Variants in TANGO6 observed in about 807,000 individuals in gnomAD.
TANGO6 encodes the protein transport and golgi organization 6 homolog, also known as transport and Golgi organization protein 6 homolog.
TANGO6 carries 90 observed loss-of-function variants against 114.2 expected under a neutral mutation model. The observed-to-expected ratio is 0.79, with a 90% CI of 0.66 to 0.94. The LOEUF (loss-of-function observed/expected upper bound fraction) is 0.94. TANGO6 is among the 40% of genes least tolerant of loss of function. The pLI is 0.00. For synonymous variants in TANGO6, 477 were observed against 509.8 expected, an observed-to-expected ratio of 0.94 and a Z score of 0.87; for missense variants, 1,274 against 1,315.3, an observed-to-expected ratio of 0.97 and a Z score of 0.49.
At chr16:68,967,433 C>G (rs1232827294) in intron 14 of TANGO6, among the ~76,000 whole-genome samples, 1 of 152,176 alleles carries the variant, frequency 6.6e-6, no homozygotes, top group Admixed American at 6.5e-5. Flanking sequence ...GGTCCCGTTC[C>G]TAACAGGCCA....
chr16:69,049,762 GA>G (rs1427531852), intron 17 of TANGO6, among the ~76,000 whole-genome samples: 1 of 149,916 alleles, frequency 6.7e-6, no homozygotes, highest in Non-Finnish European at 1.5e-5. Flanking sequence ...TTTTTATAAA[GA>G]TGGGGTCTCA....
At position 68,920,515 on chromosome 16, in the gene TANGO6, A is replaced by T. The variant is rs190705927; in HGVS notation, c.2127+1296A>T. On this transcript the variant is annotated intron_variant, in intron 12 of 17. Coordinates refer to ENST00000261778, the MANE Select transcript of TANGO6 (RefSeq NM_024562.2). ...TGTGTGACTGGCTGATTACATACCG[A>T]GTTAGGTGAGGAGTCTGCAGGAAAG... Among the ~76,000 whole-genome samples, 148 of 152,242 alleles carry T rather than the reference A, an allele frequency of 9.7e-4. 1 individual carries two copies. Among genetic ancestry groups the T allele is most frequent in the Non-Finnish European group, 1.8e-3 (125 of 68,022 alleles).
intron 17 of TANGO6, among the ~76,000 whole-genome samples, chr16:69,077,437 G>A (rs747009660): frequency 1.3e-5 from 2 of 152,080 alleles, no homozygotes; most frequent in Non-Finnish European, 2.9e-5. Context: ...AGCCAGGAGT[G>A]GCACGCATGA....
At chr16:69,026,212 G>A (rs184576336) in intron 16 of TANGO6, 17,704 of 150,388 alleles carry the variant, frequency 0.12, 1,088 homozygotes, top group African/African-American at 0.14. Context: ...ATGTTGGCCA[G>A]GCTGGTCTAA....
chr16:68,882,822 T>C (rs929631905), intron 7 of TANGO6, among the ~76,000 whole-genome samples: 3 of 151,922 alleles, frequency 2.0e-5, no homozygotes, highest in Non-Finnish European at 4.4e-5. Flanking sequence ...ATCAAGACCA[T>C]CCTGACTAAC....
chr16:69,012,580 GA>G (rs745623750), intron 15 of TANGO6, among the ~76,000 whole-genome samples: 9,322 of 107,916 alleles, frequency 0.086, 298 homozygotes, highest in African/African-American at 0.15. Context: ...AAAAAAAAAG[GA>G]AAAAAAAAAA....
chr16:69,030,167 G>A (rs1168703547), intron 16 of TANGO6, among the ~76,000 whole-genome samples: 1 of 150,450 alleles, frequency 6.6e-6, no homozygotes, highest in African/African-American at 2.4e-5. Context: ...TCCTTCAGCT[G>A]TCCCCAGCCA....
intron 15 of TANGO6, among the ~76,000 whole-genome samples, chr16:68,991,151 A>C (rs1161382617): frequency 6.6e-6 from 1 of 152,214 alleles, no homozygotes; most frequent in Non-Finnish European, 1.5e-5. Flanking sequence ...TTGGAGAAGA[A>C]AGGCTAGATA....
At chr16:68,996,785 A>G (rs932224788) in intron 15 of TANGO6, among the ~76,000 whole-genome samples, 1 of 152,200 alleles carries the variant, frequency 6.6e-6, no homozygotes, top group Admixed American at 6.5e-5. Flanking sequence ...ATTTAATATC[A>G]AACCGAAAGT....
Position 68,856,139 on chromosome 16 carries a change from C to T in TANGO6, c.95-3745C>T, listed in dbSNP as rs146542524. Reference sequence around the variant, plus strand: ...TTTTATTGCTGCTTTTGACCTATTTCAATGACAAAGATTTTCAGTAATATG... The same window carrying T: ...TTTTATTGCTGCTTTTGACCTATTTTAATGACAAAGATTTTCAGTAATATG... On this transcript the variant is annotated intron_variant, in intron 1 of 17. Transcript: ENST00000261778. Among the ~76,000 whole-genome samples, 1,303 of 152,186 alleles carry T rather than the reference C, an allele frequency of 8.6e-3. 36 individuals are homozygous for T. The highest frequency in any genetic ancestry group is 0.054 in the East Asian group (281 of 5,174).
At chr16:68,847,989 G>A (rs1286972722) in intron 1 of TANGO6, among the ~76,000 whole-genome samples, 3 of 128,702 alleles carry the variant, frequency 2.3e-5, no homozygotes, top group Admixed American at 8.9e-5. Flanking sequence ...GACAGAGTGA[G>A]ACTCCATCAC....
intron 2 of TANGO6, 35 bp from the exon 3 acceptor site, chr16:68,862,910 G>A: frequency 7.0e-7 from 1 of 1,426,042 alleles, no homozygotes; most frequent in East Asian, 2.4e-5. Flanking sequence ...TGCCTGGTTT[G>A]AATTCCACTA....
intron 7 of TANGO6, among the ~76,000 whole-genome samples, chr16:68,892,640 G>A (rs1272650146): frequency 7.9e-5 from 12 of 151,648 alleles, no homozygotes; most frequent in African/African-American, 2.4e-4. Context: ...TGAGCCTCCC[G>A]AGTAACTGGG....
chr16:69,046,438 C>T (rs1237216202), intron 17 of TANGO6, among the ~76,000 whole-genome samples: 2 of 151,966 alleles, frequency 1.3e-5, no homozygotes, highest in Non-Finnish European at 2.9e-5. Context: ...TCCACCTTAG[C>T]CTCCCTAGTA....
At position 68,843,700 on chromosome 16, in the gene TANGO6, T is replaced by C; in HGVS notation, c.83T>C (p.Leu28Pro). The stretch of plus-strand genomic sequence containing the variant: ...ATTTTGGAGGCATTGAAGCTGCTGC[T>C]GAGCCCGGGAGGTGAGAGGACGCAT... ...DRILEALKLL[L>P]SPGGSGSSSL... Residue 28 changes from leucine to proline, a missense_variant, in exon 1 of 18, where the codon CTG becomes CCG. By Grantham distance (98) the Leu-to-Pro change is moderately conservative. Coordinates refer to ENST00000261778, the MANE Select transcript of TANGO6 (RefSeq NM_024562.2). The C allele has an allele frequency of 6.2e-7, 1 of 1,613,660 alleles. No homozygotes were observed. The highest frequency in any genetic ancestry group is 2.2e-5 in the East Asian group (1 of 44,842).
intron 8 of TANGO6, 58 bp downstream of exon 8, chr16:68,900,604 GT>G (rs1962769663): frequency 7.5e-7 from 1 of 1,333,876 alleles, no homozygotes; most frequent in Non-Finnish European, 1.0e-6. Context: ...TTTGCATGTT[GT>G]TTTTGTTCTT....
intron 11 of TANGO6, among the ~76,000 whole-genome samples, chr16:68,914,413 T>C (rs1252676261): frequency 1.3e-5 from 2 of 152,154 alleles, no homozygotes; most frequent in Non-Finnish European, 2.9e-5. Flanking sequence ...CTGCCTGCCT[T>C]GGCCTCCCAA....
chr16:68,855,716 C>G (rs1961978938), intron 1 of TANGO6, among the ~76,000 whole-genome samples: 1 of 152,008 alleles, frequency 6.6e-6, no homozygotes, highest in Non-Finnish European at 1.5e-5. Context: ...AACCCGATCT[C>G]TACTAAAAAT....
chr16:68,953,568 C>T lies in TANGO6; in HGVS notation c.2702-20460C>T, dbSNP rs539973309. Among the ~76,000 whole-genome samples the T allele has an allele frequency of 3.3e-5, 5 of 152,270 alleles. No individual in the cohort carries two copies. In the South Asian group the frequency reaches 6.2e-4, roughly 19 times the overall value. On this transcript the variant is annotated intron_variant, in intron 14 of 17. Coordinates refer to ENST00000261778, the MANE Select transcript of TANGO6 (RefSeq NM_024562.2). ...AAATAAAAGGTACATGGTGTTCTCT[C>T]ACTAACTCCATCCTCCTTAACTTGC...
Sources: gnomAD v4.1 joint callset for allele counts (sites outside exome capture counted in the v4.1 genomes callset) on GRCh38, gnomAD v4.1.1 for gene constraint, MANE v1.5 for transcripts, NCBI Gene and HGNC (gene_info 2026-07-23, HGNC 2026-07-21) for gene names.